Variants in SUFU observed in about 807,000 individuals in gnomAD.
The protein encoded by SUFU is SUFU negative regulator of hedgehog signaling, also known as suppressor of fused homolog.
Under a neutral mutation model 58.9 loss-of-function variants are expected in SUFU, and 7 were observed. The ratio of observed to expected loss-of-function variants is 0.12; its 90% CI spans 0.07 to 0.22. The LOEUF is 0.22. Ranked by LOEUF, SUFU falls within the 10% of genes least tolerant of loss-of-function variation. The pLI is 1.00. For synonymous variants in SUFU, 232 were observed against 254.8 expected, an observed-to-expected ratio of 0.91 and a Z score of 0.85; for missense variants, 451 against 641.3, an observed-to-expected ratio of 0.70 and a Z score of 3.20.
intron 2 of SUFU, among the ~76,000 whole-genome samples, chr10:102,535,902 C>T (rs954165529): frequency 6.6e-6 from 1 of 151,690 alleles, no homozygotes; most frequent in African/African-American, 2.4e-5. Flanking sequence ...TACAACCCTG[C>T]CCTTGTGGGG....
At chr10:102,616,898 C>T (rs372694352) in intron 9 of SUFU, among the ~76,000 whole-genome samples, 1 of 152,356 alleles carries the variant, frequency 6.6e-6, no homozygotes, top group South Asian at 2.1e-4. Flanking sequence ...GACGCTACTT[C>T]ACCTCCGTCC....
intron 7 of SUFU, 85 bp downstream of exon 7, chr10:102,597,378 C>G: frequency 6.7e-7 from 1 of 1,489,330 alleles, no homozygotes; most frequent in Non-Finnish European, 9.0e-7. Context: ...GGATGGGTCT[C>G]TAACAAAAAC....
chr10:102,504,980 T>G (rs1238385193), intron 1 of SUFU, among the ~76,000 whole-genome samples: 2 of 152,174 alleles, frequency 1.3e-5, no homozygotes, highest in African/African-American at 2.4e-5. Context: ...AACTTTTTGC[T>G]TACTCTGCAC....
chr10:102,509,442 C>A, intron 2 of SUFU, 139 bp downstream of exon 2: 1 of 1,248,196 alleles, frequency 8.0e-7, no homozygotes, highest in Non-Finnish European at 1.2e-6. Flanking sequence ...TATATCTACT[C>A]ATGCCAAGGT....
In SUFU at chr10:102,551,552, C is replaced by T. The variant is rs548750450; in HGVS notation, c.454+1446C>T. On this transcript the variant is annotated intron_variant, in intron 3 of 11. Coordinates refer to ENST00000369902, the MANE Select transcript of SUFU (RefSeq NM_016169.4). ...ACTCGGGAGGCTGAGGCAGGAGAAT[C>T]GCTTGAACGCGGGAGGCAGATGTTA... Among the ~76,000 whole-genome samples the T allele has an allele frequency of 9.4e-4, 143 of 151,438 alleles. 1 individual carries two copies. The highest frequency in any genetic ancestry group is 3.4e-3 in the African/African-American group (139 of 41,326).
At chr10:102,564,630 A>C (rs1250503957) in intron 3 of SUFU, among the ~76,000 whole-genome samples, 1 of 151,926 alleles carries the variant, frequency 6.6e-6, no homozygotes, top group East Asian at 1.9e-4. Flanking sequence ...GTCGCACCCA[A>C]CCTCAAGCTC....
In SUFU at chr10:102,504,341, T is replaced by A. The variant is rs759858682; in HGVS notation, c.182+7T>A. The A allele has an allele frequency of 2.5e-6, 4 of 1,613,992 alleles. No individual in the cohort carries two copies. The Admixed American group carries it at 6.7e-5, about 27-fold the overall frequency. On this transcript the variant is annotated splice_region_variant and intron_variant, in intron 1 of 11. Coordinates refer to ENST00000369902, the MANE Select transcript of SUFU (RefSeq NM_016169.4). ...CCGCTATCGTCAAGTACTGGTATGC[T>A]CTGGGCCGCGGGGAGACGGACAGGC...
At chr10:102,559,356 T>C (rs2063011845) in intron 3 of SUFU, among the ~76,000 whole-genome samples, 2 of 127,512 alleles carry the variant, frequency 1.6e-5, no homozygotes, top group South Asian at 5.3e-4. Flanking sequence ...ATGCCCATCG[T>C]GTGGGCAAAA....
At chr10:102,627,120 C>CA (rs2063792890) in intron 10 of SUFU, 55 bp from the exon 11 acceptor site, 2 of 1,594,972 alleles carry the variant, frequency 1.3e-6, no homozygotes, top group African/African-American at 1.3e-5. Flanking sequence ...TGGTGGTTGG[C>CA]AAAAAGATCA....
intron 2 of SUFU, among the ~76,000 whole-genome samples, chr10:102,518,704 GC>G (rs2062506523): frequency 6.6e-6 from 1 of 151,918 alleles, no homozygotes; most frequent in African/African-American, 2.4e-5. Flanking sequence ...GCACCATCAT[GC>G]CTGGCTAATT....
rs1169354127 is a variant in SUFU, at chr10:102,625,085, A to G, written c.1297-2090A>G. 6.6e-6 allele frequency among the ~76,000 whole-genome samples: 1 copy of G among 152,232 alleles called. No homozygotes were observed. The highest frequency in any genetic ancestry group is 1.9e-4 in the East Asian group (1 of 5,204). ...CCGGAAATGCCAAAAATATGAATGT[A>G]ACTTTTGTATTGCTTGAGCAGACTG... On this transcript the variant is annotated intron_variant, in intron 10 of 11. Transcript: ENST00000369902. This position sits in a 1 kb window ranked among gnomAD's most constrained non-coding sequence, Gnocchi z 4.7.
intron 8 of SUFU, among the ~76,000 whole-genome samples, chr10:102,609,281 A>G (rs187482798): frequency 1.7e-5 from 2 of 117,740 alleles, no homozygotes; most frequent in African/African-American, 6.2e-5. Flanking sequence ...TCTGTGCTCA[A>G]TAAAGATGTC....
At chr10:102,600,890 G>T (rs1269406363) in intron 8 of SUFU, among the ~76,000 whole-genome samples, 1 of 152,174 alleles carries the variant, frequency 6.6e-6, no homozygotes, top group Non-Finnish European at 1.5e-5. Flanking sequence ...CCAGCCAGCT[G>T]CCCTGAAGTA....
chr10:102,546,894 C>T (rs548510660), intron 2 of SUFU, among the ~76,000 whole-genome samples: 1 of 152,372 alleles, frequency 6.6e-6, no homozygotes, highest in East Asian at 1.9e-4. Flanking sequence ...GCCCAGAAAG[C>T]ACCCTGCGTG....
intron 11 of SUFU, among the ~76,000 whole-genome samples, chr10:102,627,695 C>T (rs890110683): frequency 6.6e-6 from 1 of 152,320 alleles, no homozygotes; most frequent in Admixed American, 6.5e-5. Flanking sequence ...CCTCGGGCCA[C>T]CCAGGAGCCA....
chr10:102,552,178 G>A (rs986813245), intron 3 of SUFU, among the ~76,000 whole-genome samples: 1 of 152,086 alleles, frequency 6.6e-6, no homozygotes, highest in African/African-American at 2.4e-5. Context: ...CTTCAAAAAT[G>A]TCAATGCTCT....
At chr10:102,610,360 T>C (rs1333805572) in intron 8 of SUFU, among the ~76,000 whole-genome samples, 8 of 134,822 alleles carry the variant, frequency 5.9e-5, no homozygotes, top group Non-Finnish European at 1.5e-5. Context: ...ACCATTGCAC[T>C]CCAGCCTGGG....
At chr10:102,547,832 G>GGAGAGAGAGAGAGA (rs958492409) in intron 2 of SUFU, among the ~76,000 whole-genome samples, 139 of 151,530 alleles carry the variant, frequency 9.2e-4, no homozygotes, top group African/African-American at 3.1e-3. Context: ...GAGGCGGGGG[G>GGAGAGAGAGAGAGA]GAGAGAGAGA....
At chr10:102,627,279 G>A (rs760574397) in intron 11 of SUFU, 36 bp downstream of exon 11, 69 of 1,566,564 alleles carry the variant, frequency 4.4e-5, no homozygotes, top group Admixed American at 1.2e-4. Context: ...AACAGGTCCC[G>A]TCTCTGGGAC....
Sources: allele counts gnomAD v4.1 joint callset (sites outside exome capture counted in the v4.1 genomes callset), GRCh38; gene constraint gnomAD v4.1.1; non-coding constraint Gnocchi (gnomAD v3.1); transcripts MANE v1.5; gene names NCBI Gene and HGNC (gene_info 2026-07-23, HGNC 2026-07-21).